Variants in FHIT observed in about 807,000 individuals in gnomAD.
FHIT encodes bis(5'-adenosyl)-triphosphatase.
Under a neutral mutation model 17.9 loss-of-function variants are expected in FHIT, and 19 were observed. The ratio of observed to expected loss-of-function variants is 1.06; its 90% CI spans 0.74 to 1.56. The LOEUF (loss-of-function observed/expected upper bound fraction) is 1.56. Among genes scored for constraint, FHIT ranks in the 40% most tolerant of loss-of-function variants. The pLI is 0.00. For missense variants in FHIT, 248 were observed against 189.2 expected, an observed-to-expected ratio of 1.31 and a Z score of -1.82; for synonymous variants, 81 against 69.7, an observed-to-expected ratio of 1.16 and a Z score of -0.81.
At chr3:60,344,057 C>T (rs560185945) in intron 5 of FHIT, among the ~76,000 whole-genome samples, 59 of 152,278 alleles carry the variant, frequency 3.9e-4, no homozygotes, top group Admixed American at 1.4e-3. Context: ...GTGGAACAGA[C>T]GGGGATCTGT....
intron 3 of FHIT, among the ~76,000 whole-genome samples, chr3:60,927,856 G>C (rs1707732759): frequency 6.6e-6 from 1 of 152,278 alleles, no homozygotes; most frequent in African/African-American, 2.4e-5. Flanking sequence ...TGGCGGTTTT[G>C]CTGAATAGAA....
chr3:60,873,303 G>T (rs913466551), intron 3 of FHIT, among the ~76,000 whole-genome samples: 1 of 152,130 alleles, frequency 6.6e-6, no homozygotes, highest in South Asian at 2.1e-4. Flanking sequence ...TGCTTTTTCT[G>T]ATAACCACCT....
chr3:60,337,342 C>T (rs1232533833), intron 5 of FHIT, among the ~76,000 whole-genome samples: 2 of 152,074 alleles, frequency 1.3e-5, no homozygotes, highest in Non-Finnish European at 1.5e-5. Flanking sequence ...CTGAAAAACT[C>T]GGTTTCGTGG....
chr3:60,310,044 A>C (rs895200277), intron 5 of FHIT, among the ~76,000 whole-genome samples: 7 of 152,128 alleles, frequency 4.6e-5, no homozygotes, highest in Admixed American at 1.3e-4. Flanking sequence ...TGCTGTCTGG[A>C]ATCAGGTCAT....
At position 60,202,713 on chromosome 3, in the gene FHIT, T is replaced by G. The variant is rs146975412; in HGVS notation, c.104-188561A>C. On this transcript the variant is annotated intron_variant, in intron 5 of 9. Transcript: ENST00000492590. ...AGGTCCCTACCAGCCAGCCTAAAAG[T>G]ACTGAGCTCTGTTTCCCATCATAAG... Among the ~76,000 whole-genome samples the G allele has an allele frequency of 4.6e-3, 701 of 152,284 alleles. 5 individuals carry two copies. Among genetic ancestry groups the G allele is most frequent in the African/African-American group, 0.016 (652 of 41,556 alleles).
intron 5 of FHIT, among the ~76,000 whole-genome samples, chr3:60,246,933 A>G (rs551724888): frequency 1.3e-5 from 2 of 152,124 alleles, no homozygotes; most frequent in Non-Finnish European, 2.9e-5. Context: ...TAAAAGTGGA[A>G]CACAGAGGAT....
rs572746037 is a variant in FHIT at position 60,526,371 on chromosome 3, C to G, written c.103+10489G>C. ...GTCTGCCGGTGTTCCATGACCCAAT[C>G]CCCTCTCTGGAGAGGCCAGCACCTC... On this transcript the variant is annotated intron_variant, in intron 5 of 9. Transcript: ENST00000492590. Among the ~76,000 whole-genome samples, 17 of 152,220 alleles carry G rather than the reference C, an allele frequency of 1.1e-4. No homozygotes were observed. In the South Asian group the frequency reaches 3.3e-3, roughly 30 times the overall value.
At chr3:60,329,454 G>A (rs1441722061) in intron 5 of FHIT, among the ~76,000 whole-genome samples, 2 of 152,158 alleles carry the variant, frequency 1.3e-5, no homozygotes, top group Non-Finnish European at 2.9e-5. Context: ...ATTGTTCAAT[G>A]AACAATGCAA....
At chr3:59,884,683 G>A (rs1302588475) in intron 8 of FHIT, among the ~76,000 whole-genome samples, 1 of 152,160 alleles carries the variant, frequency 6.6e-6, no homozygotes, top group Non-Finnish European at 1.5e-5. Context: ...TTTGAGGGTA[G>A]GTAGGGGAGT....
At chr3:60,389,887 C>G (rs902731636) in intron 5 of FHIT, among the ~76,000 whole-genome samples, 1 of 152,184 alleles carries the variant, frequency 6.6e-6, no homozygotes, top group Admixed American at 6.5e-5. Flanking sequence ...ATTTTTCCCT[C>G]TTACTGAAGT....
intron 1 of FHIT, among the ~76,000 whole-genome samples, chr3:61,205,477 G>T (rs1349251036): frequency 6.6e-6 from 1 of 152,124 alleles, no homozygotes; most frequent in African/African-American, 2.4e-5. Context: ...ATCCTCTCCA[G>T]CACCTGTTGT....
chr3:61,239,783 A>ATATATATATATATATATATT (rs2040329239), intron 1 of FHIT, among the ~76,000 whole-genome samples: 1 of 145,336 alleles, frequency 6.9e-6, no homozygotes, highest in Admixed American at 6.9e-5. Context: ...ATATATATAT[A>ATATATATATATATATATATT]TACACAAATT....
chr3:60,013,922 T>G (rs1452237918), intron 6 of FHIT, 85 bp downstream of exon 6: 2 of 1,372,794 alleles, frequency 1.5e-6, no homozygotes, highest in Non-Finnish European at 2.0e-6. Context: ...ACATCTGCCC[T>G]CCTGGTAAGA....
chr3:60,881,608 T>G (rs1299280776), intron 3 of FHIT, among the ~76,000 whole-genome samples: 1 of 152,046 alleles, frequency 6.6e-6, no homozygotes, highest in Non-Finnish European at 1.5e-5. Context: ...GGAATAAAAC[T>G]AGAAATCAAT....
chr3:59,895,480 A>C (rs1704029389), intron 8 of FHIT, among the ~76,000 whole-genome samples: 1 of 152,232 alleles, frequency 6.6e-6, no homozygotes, highest in Non-Finnish European at 1.5e-5. Flanking sequence ...AAGACATATC[A>C]GAACATGACT....
At chr3:61,054,779 C>T (rs1266568188) in intron 2 of FHIT, among the ~76,000 whole-genome samples, 1 of 152,130 alleles carries the variant, frequency 6.6e-6, no homozygotes, top group East Asian at 1.9e-4. Context: ...TAAGAATGAC[C>T]TGTTGGCCCA....
chr3:60,618,868 AGAAG>A (rs2039031539), intron 4 of FHIT, among the ~76,000 whole-genome samples: 1 of 152,134 alleles, frequency 6.6e-6, no homozygotes, highest in African/African-American at 2.4e-5. Flanking sequence ...GAGGCTTTGA[AGAAG>A]GAAGGGACCA....
intron 5 of FHIT, among the ~76,000 whole-genome samples, chr3:60,523,102 G>A (rs1214929440): frequency 6.6e-6 from 1 of 152,054 alleles, no homozygotes; most frequent in Non-Finnish European, 1.5e-5. Context: ...AGAACAGTAT[G>A]GGGGAAACCA....
At chr3:60,949,993 A>G (rs546369039) in intron 3 of FHIT, among the ~76,000 whole-genome samples, 1 of 152,344 alleles carries the variant, frequency 6.6e-6, no homozygotes, top group East Asian at 1.9e-4. Context: ...CACATATATG[A>G]TATCGATCCC....
Sources: gnomAD v4.1 joint callset for allele counts (sites outside exome capture counted in the v4.1 genomes callset) on GRCh38, gnomAD v4.1.1 for gene constraint, MANE v1.5 for transcripts, NCBI Gene and HGNC (gene_info 2026-07-23, HGNC 2026-07-21) for gene names.